Variants in SLIT3 observed in about 807,000 individuals in gnomAD.
SLIT3 encodes slit guidance ligand 3.
SLIT3 carries 68 observed loss-of-function variants against 184.0 expected under a neutral mutation model. The ratio of observed to expected loss-of-function variants is 0.37; its 90% CI spans 0.30 to 0.45. The LOEUF (loss-of-function observed/expected upper bound fraction) is 0.45. SLIT3 is among the 20% of genes least tolerant of loss of function. The probability of loss-of-function intolerance (pLI) is 1.00; values close to 1 mark genes in which losing one functional copy is unlikely to be tolerated. For missense variants in SLIT3, 1,707 were observed against 2,026.0 expected, an observed-to-expected ratio of 0.84 and a Z score of 3.02; for synonymous variants, 831 against 828.6, an observed-to-expected ratio of 1.00 and a Z score of -0.05.
At chr5:168,807,099 G>A (rs955382891) in intron 8 of SLIT3, among the ~76,000 whole-genome samples, 2 of 152,176 alleles carry the variant, frequency 1.3e-5, no homozygotes, top group Non-Finnish European at 2.9e-5. Context: ...TACACCCAAG[G>A]CATTTCCAAA....
chr5:168,845,940 T>C (rs1327074548), intron 5 of SLIT3, among the ~76,000 whole-genome samples: 1 of 152,190 alleles, frequency 6.6e-6, no homozygotes, highest in Non-Finnish European at 1.5e-5. Flanking sequence ...GGAATTTTCA[T>C]GTGTAAATTG....
At chr5:168,692,826 G>T in intron 28 of SLIT3, 126 bp from the exon 29 acceptor site, 2 of 653,142 alleles carry the variant, frequency 3.1e-6, no homozygotes, top group Non-Finnish European at 5.5e-6. Context: ...GGTCAGGTGG[G>T]CATGGACGTC....
chr5:168,662,265 C>T lies in SLIT3; in HGVS notation c.*4189G>A, dbSNP rs1760884383. On this transcript the variant is annotated 3_prime_UTR_variant, in exon 36 of 36. Coordinates refer to ENST00000519560, the MANE Select transcript of SLIT3 (RefSeq NM_003062.4). ...GTAATGCCCTATGACTCCTCCAGCTCTGGTATCTGGGATCTTGAGTCTGAG... is the reference window on the plus strand; with the variant it reads ...GTAATGCCCTATGACTCCTCCAGCTTTGGTATCTGGGATCTTGAGTCTGAG... The T allele has an allele frequency of 6.6e-6, 1 of 152,248 alleles. No individual in the cohort carries two copies. Among genetic ancestry groups the T allele is most frequent in the African/African-American group, 2.4e-5 (1 of 41,448 alleles). 9.4% of individuals were successfully genotyped at this position (152,248 alleles called of 1,614,324 possible). A position where few individuals can be genotyped will look rare whatever the true frequency, so the allele number is the denominator to read the frequency against.
chr5:168,744,533 A>C (rs953667172), intron 20 of SLIT3, among the ~76,000 whole-genome samples: 1 of 152,208 alleles, frequency 6.6e-6, no homozygotes, highest in Non-Finnish European at 1.5e-5. Context: ...TCAAAGCTTC[A>C]AAGGGCAGGC....
intron 5 of SLIT3, among the ~76,000 whole-genome samples, chr5:168,861,338 T>A (rs538263547): frequency 6.6e-6 from 1 of 151,978 alleles, no homozygotes; most frequent in African/African-American, 2.4e-5. Context: ...CCTCTCTAGC[T>A]TGGTAAGTCT....
intron 4 of SLIT3, among the ~76,000 whole-genome samples, chr5:168,904,876 G>A (rs959683405): frequency 6.6e-6 from 1 of 152,096 alleles, no homozygotes; most frequent in Non-Finnish European, 1.5e-5. Flanking sequence ...TACAAAGATG[G>A]TGATATCCGG....
intron 4 of SLIT3, among the ~76,000 whole-genome samples, chr5:169,033,810 A>ATT (rs568929106): frequency 1.9e-3 from 218 of 116,128 alleles, no homozygotes; most frequent in African/African-American, 3.2e-3. Flanking sequence ...CTATTGTATG[A>ATT]TTTTTTTTTT....
At chr5:168,695,973 C>T (rs1278639216) in intron 28 of SLIT3, among the ~76,000 whole-genome samples, 1 of 152,170 alleles carries the variant, frequency 6.6e-6, no homozygotes, top group African/African-American at 2.4e-5. Context: ...ACAATGCAAG[C>T]GCCTCTCTGC....
chr5:168,797,252 T>G (rs1209119354), intron 9 of SLIT3, among the ~76,000 whole-genome samples: 2 of 152,014 alleles, frequency 1.3e-5, no homozygotes, highest in African/African-American at 4.8e-5. Context: ...CAGCTGAGCA[T>G]AGAGTTCAGC....
intron 32 of SLIT3, among the ~76,000 whole-genome samples, chr5:168,683,369 CAAAA>C (rs59868617): frequency 7.6e-5 from 8 of 104,796 alleles, no homozygotes; most frequent in African/African-American, 1.3e-4. Flanking sequence ...AACTCCATCT[CAAAA>C]AAAAAAAAAA....
At chr5:169,146,596 T>C (rs1020921927) in intron 4 of SLIT3, among the ~76,000 whole-genome samples, 2 of 152,158 alleles carry the variant, frequency 1.3e-5, no homozygotes, top group African/African-American at 2.4e-5. Flanking sequence ...CGGCTCCTCC[T>C]GCCTCCACTG....
chr5:169,267,440 C>T (rs1186427004), intron 1 of SLIT3, among the ~76,000 whole-genome samples: 1 of 152,200 alleles, frequency 6.6e-6, no homozygotes, highest in East Asian at 1.9e-4. Flanking sequence ...ACATGAAAGG[C>T]ACAAATCAAT....
In SLIT3 at chr5:168,844,565, G is replaced by T. The variant is rs116035199; in HGVS notation, c.557+19C>A. ...CACATGCACGCACACACAAGGCAGC[G>T]ATCGCAAAATCAACTCACAGGATCT... On this transcript the variant is annotated intron_variant, in intron 6 of 35. Transcript: ENST00000519560. The T allele has an allele frequency of 1.2e-6, 2 of 1,612,724 alleles. No homozygotes were observed. The highest frequency in any genetic ancestry group is 8.5e-7 in the Non-Finnish European group (1 of 1,178,938).
intron 4 of SLIT3, among the ~76,000 whole-genome samples, chr5:169,074,887 G>A (rs1320788835): frequency 6.6e-6 from 1 of 152,162 alleles, no homozygotes; most frequent in Non-Finnish European, 1.5e-5. Context: ...GAGGGCTTTG[G>A]AGCCTTAGGA....
At chr5:169,170,977 A>G (rs1462389013) in intron 4 of SLIT3, among the ~76,000 whole-genome samples, 7 of 152,210 alleles carry the variant, frequency 4.6e-5, no homozygotes, top group African/African-American at 1.2e-4. Context: ...TGGGGAAGAA[A>G]AGGCAGAAAC....
chr5:169,130,841 G>T (rs1187456258), intron 4 of SLIT3, among the ~76,000 whole-genome samples: 6 of 152,262 alleles, frequency 3.9e-5, no homozygotes, highest in African/African-American at 1.4e-4. Flanking sequence ...AGCATGAGGA[G>T]CTCAACATAA....
chr5:168,717,589 C>T (rs1009284803), intron 23 of SLIT3, among the ~76,000 whole-genome samples: 2 of 152,148 alleles, frequency 1.3e-5, no homozygotes, highest in Non-Finnish European at 1.5e-5. Flanking sequence ...AGCAACTAAC[C>T]GGTAGCAGGT....
At chr5:168,779,952 CACTGTTAG>C (rs1248122474) in intron 12 of SLIT3, among the ~76,000 whole-genome samples, 1 of 152,234 alleles carries the variant, frequency 6.6e-6, no homozygotes, top group Admixed American at 6.5e-5. Flanking sequence ...CGCTGAGCCC[CACTGTTAG>C]CTACTGCCTT....
chr5:168,748,529 T>TTGTC, intron 19 of SLIT3, 95 bp from the exon 20 acceptor site: 7 of 1,237,680 alleles, frequency 5.7e-6, no homozygotes, highest in Non-Finnish European at 7.5e-6. Flanking sequence ...CAAAGACAAG[T>TTGTC]TGTCCCCTGT....
Sources: allele counts gnomAD v4.1 joint callset (sites outside exome capture counted in the v4.1 genomes callset), GRCh38; gene constraint gnomAD v4.1.1; transcripts MANE v1.5; gene names NCBI Gene and HGNC (gene_info 2026-07-23, HGNC 2026-07-21).